The following FRMD1 variants were observed in gnomAD, a reference collection of about 807,000 sequenced individuals.
FRMD1 encodes the protein FERM domain-containing protein 1.
A neutral mutation model predicts 54.9 loss-of-function variants in FRMD1; 51 were observed. The observed-to-expected ratio is 0.93, with a 90% confidence interval of 0.74 to 1.17. FRMD1 has a LOEUF of 1.17. Ranked by LOEUF, FRMD1 falls within the 50% of genes most tolerant of loss-of-function variation. The probability of loss-of-function intolerance (pLI) is 0.00; values close to 1 mark genes in which losing one functional copy is unlikely to be tolerated. For synonymous variants in FRMD1, 324 were observed against 306.4 expected, an observed-to-expected ratio of 1.06 and a Z score of -0.60; for missense variants, 729 against 743.0, an observed-to-expected ratio of 0.98 and a Z score of 0.22.
At chr6:168,064,489 G>T (rs535632176) in intron 5 of FRMD1, among the ~76,000 whole-genome samples, 1 of 151,788 alleles carries the variant, frequency 6.6e-6, no homozygotes, top group Non-Finnish European at 1.5e-5. Context: ...AGACTCCTAC[G>T]GGTCCCAGGA....
chr6:168,066,518 CAAAAAG>C (rs1800033024), intron 4 of FRMD1: 48 of 1,271,900 alleles, frequency 3.8e-5, no homozygotes, highest in Non-Finnish European at 4.8e-5. Flanking sequence ...CAAAACAAAA[CAAAAAG>C]AAAAAGAAAA....
upstream of FRMD1, among the ~76,000 whole-genome samples, chr6:168,085,736 G>A (rs915902877): frequency 2.7e-5 from 4 of 147,816 alleles, no homozygotes; most frequent in South Asian, 4.3e-4. Context: ...GCTCCCTATC[G>A]CCCAGCCATA....
At chr6:168,075,421 ACCAGGTGGACGAC>A in intron 1 of FRMD1, 86 bp from the exon 2 acceptor site, 2 of 1,053,402 alleles carry the variant, frequency 1.9e-6, no homozygotes, top group South Asian at 1.3e-5. Context: ...CCAGCGGGGC[ACCAGGTGGACGAC>A]CCAGTCAGGC....
At chr6:168,076,080 G>A (rs1164922533) in intron 1 of FRMD1, among the ~76,000 whole-genome samples, 2 of 152,196 alleles carry the variant, frequency 1.3e-5, no homozygotes, top group African/African-American at 2.4e-5. Flanking sequence ...CTGTTGCAGC[G>A]CTGGGGCCCA....
chr6:168,074,175 C>T lies in FRMD1; in HGVS notation c.304+1070G>A, dbSNP rs139099480. Among the ~76,000 whole-genome samples, 557 of 152,270 alleles carry T rather than the reference C, an allele frequency of 3.7e-3. 6 individuals carry two copies. The highest frequency in any genetic ancestry group is 0.013 in the African/African-American group (533 of 41,558). Reference sequence around the variant, plus strand: ...GCACTTTGGGTTCTCACGGCTCTTCCATGCGACACAATCCAGCTGCAGGGT... The same window carrying T: ...GCACTTTGGGTTCTCACGGCTCTTCTATGCGACACAATCCAGCTGCAGGGT... On this transcript the variant is annotated intron_variant, in intron 2 of 10. Transcript: ENST00000283309.
chr6:168,063,309 C>T (rs1016108961), intron 6 of FRMD1, among the ~76,000 whole-genome samples: 3 of 143,356 alleles, frequency 2.1e-5, no homozygotes, highest in African/African-American at 8.0e-5. Flanking sequence ...TCCATCCCTG[C>T]CCCGGGGTCC....
intron 4 of FRMD1, 179 bp downstream of exon 4, chr6:168,066,576 C>T (rs936491110): frequency 3.0e-5 from 42 of 1,409,486 alleles, no homozygotes; most frequent in Middle Eastern, 2.3e-4. Flanking sequence ...GTATACCTTT[C>T]GATTAAATAG....
Position 168,057,456 on chromosome 6 carries a change from G to A in FRMD1, c.1408-117C>T, listed in dbSNP as rs930076172. ...CACTCCCTGCCAATGCCCACCCTGC[G>A]CCGCAGTGCATGGCCGGCCTGCCCC... On this transcript the variant is annotated intron_variant, in intron 10 of 10. Coordinates refer to ENST00000283309, the MANE Select transcript of FRMD1 (RefSeq NM_024919.6). 72 of 1,471,540 alleles carry A rather than the reference G, an allele frequency of 4.9e-5. 1 individual carries two copies. Among genetic ancestry groups the A allele is most frequent in the Non-Finnish European group, 6.0e-5 (66 of 1,097,448 alleles). The allele number at this position is 1,471,540 out of a possible 1,614,324, so 91.2% of individuals were successfully genotyped here.
At chr6:168,089,262 G>A (rs1410492552) in intron 1 of FRMD1, among the ~76,000 whole-genome samples, 1 of 152,210 alleles carries the variant, frequency 6.6e-6, no homozygotes. Context: ...TGCTGCCAGT[G>A]GGTGAAGGGA....
intron 3 of FRMD1, 67 bp downstream of exon 3, chr6:168,067,300 G>A (rs1395537434): frequency 9.3e-6 from 9 of 967,874 alleles, no homozygotes; most frequent in East Asian, 2.6e-5. Context: ...CCCACCCCAC[G>A]TGTCCCCGTG....
intron 4 of FRMD1, 59 bp downstream of exon 4, chr6:168,066,695 CG>C: frequency 5.2e-6 from 8 of 1,549,394 alleles, no homozygotes; most frequent in Non-Finnish European, 6.1e-6. Flanking sequence ...GGGACTTCCA[CG>C]TCATGCGGCA....
At chr6:168,090,924 C>T (rs1245510507) in intron 1 of FRMD1, among the ~76,000 whole-genome samples, 1 of 152,216 alleles carries the variant, frequency 6.6e-6, no homozygotes, top group Non-Finnish European at 1.5e-5. Flanking sequence ...GGTTTCCATT[C>T]GAGGCTTGCC....
At chr6:168,073,004 C>A (rs1372705692) in intron 2 of FRMD1, among the ~76,000 whole-genome samples, 1 of 152,290 alleles carries the variant, frequency 6.6e-6, no homozygotes, top group Non-Finnish European at 1.5e-5. Context: ...GTCTGGGAAG[C>A]TACGTGTTTT....
At chr6:168,091,006 C>T (rs1020155358) in intron 1 of FRMD1, among the ~76,000 whole-genome samples, 3 of 152,220 alleles carry the variant, frequency 2.0e-5, no homozygotes, top group African/African-American at 4.8e-5. Context: ...AGCGGACTCC[C>T]GGCTCCGCTC....
At chr6:168,065,650 C>G (rs542518288) in intron 4 of FRMD1, 1 of 986,742 alleles carries the variant, frequency 1.0e-6, no homozygotes, top group Admixed American at 6.1e-5. Context: ...GAACCTTCCA[C>G]ATATTCACAC....
In FRMD1 at chr6:168,064,951, G is replaced by A. The variant is rs1329870619; in HGVS notation, c.568C>T (p.Leu190=). 6.2e-6 allele frequency: 10 copies of A among 1,611,554 alleles called. No individual in the cohort carries two copies. Among genetic ancestry groups the A allele is most frequent in the Non-Finnish European group, 7.6e-6 (9 of 1,179,650 alleles). ...CGGTGCTCGCCCAGGTCAGCCTGCAGCGCGCAGGCAGCCAGCAGGAAGTAG... is the reference window on the plus strand; with the variant it reads ...CGGTGCTCGCCCAGGTCAGCCTGCAACGCGCAGGCAGCCAGCAGGAAGTAG... ...EAYFLLAACA[L]QADLGEHRES... The change falls in exon 5 of 11, where the codon CTG becomes TTG. Residue 190 remains leucine, a synonymous_variant. Coordinates refer to ENST00000283309, the MANE Select transcript of FRMD1 (RefSeq NM_024919.6).
upstream of FRMD1, chr6:168,081,376 C>T (rs1337732046): frequency 1.5e-5 from 23 of 1,534,508 alleles, no homozygotes; most frequent in Non-Finnish European, 1.9e-5. Context: ...CTGGCCTGTT[C>T]GTGATGGAAG....
upstream of FRMD1, among the ~76,000 whole-genome samples, chr6:168,085,769 C>G (rs1420934441): frequency 6.6e-6 from 1 of 151,732 alleles, no homozygotes; most frequent in Non-Finnish European, 1.5e-5. Context: ...TTCCATGGCT[C>G]CCTATCGCCC....
intron 1 of FRMD1, among the ~76,000 whole-genome samples, chr6:168,092,621 C>T (rs923920527): frequency 6.6e-6 from 1 of 152,126 alleles, no homozygotes; most frequent in African/African-American, 2.4e-5. Flanking sequence ...CAAGAAGGTG[C>T]CGTCTGCAAG....
Sources: allele counts gnomAD v4.1 joint callset (sites outside exome capture counted in the v4.1 genomes callset), GRCh38; gene constraint gnomAD v4.1.1; transcripts MANE v1.5; gene names NCBI Gene and HGNC (gene_info 2026-07-23, HGNC 2026-07-21).